The following KIR2DL1 variants were observed in gnomAD, a reference collection of about 807,000 sequenced individuals.
The protein encoded by KIR2DL1 is killer cell immunoglobulin like receptor, two Ig domains and long cytoplasmic tail 1.
Under a neutral mutation model 33.9 loss-of-function variants are expected in KIR2DL1, and 38 were observed. The ratio of observed to expected loss-of-function variants is 1.12; its 90% confidence interval spans 0.86 to 1.47. The LOEUF is 1.47. Ranked by LOEUF, KIR2DL1 falls within the 40% of genes most tolerant of loss-of-function variation. The probability of loss-of-function intolerance (pLI) is 0.00; values close to 1 mark genes in which losing one functional copy is unlikely to be tolerated. For synonymous variants in KIR2DL1, 179 were observed against 165.9 expected (o/e 1.08, Z -0.61); for missense variants, 531 against 433.9 (o/e 1.22, Z -1.99).
intron 1 of KIR2DL1, among the ~76,000 whole-genome samples, 189 bp from the exon 2 acceptor site, chr19:54,770,660 G>C (rs1172794385): frequency 6.8e-6 from 1 of 147,672 alleles, no homozygotes. Context: ...CTTGAGGTGG[G>C]GATATGGACC....
chr19:54,778,172 A>T (rs141015500), intron 4 of KIR2DL1, among the ~76,000 whole-genome samples: 1 of 147,860 alleles, frequency 6.8e-6, no homozygotes, highest in South Asian at 2.1e-4. Flanking sequence ...AGGCAAGAGA[A>T]TGATTGAACC....
chr19:54,782,168 T>G (rs1367395860), intron 5 of KIR2DL1, among the ~76,000 whole-genome samples: 1 of 151,970 alleles, frequency 6.6e-6, no homozygotes, highest in Non-Finnish European at 1.5e-5. Flanking sequence ...GCCTGGGTTT[T>G]GTACCCTGGA....
At chr19:54,782,889 T>C (rs1246708430) in intron 5 of KIR2DL1, 33 bp from the exon 6 acceptor site, 10 of 1,597,770 alleles carry the variant, frequency 6.3e-6, no homozygotes, top group East Asian at 2.2e-5. Flanking sequence ...ACTGCTAAGA[T>C]TAGCTTCTTA....
intron 3 of KIR2DL1, among the ~76,000 whole-genome samples, chr19:54,773,915 CA>C (rs1168683871): frequency 1.3e-5 from 2 of 148,538 alleles, no homozygotes; most frequent in East Asian, 3.9e-4. Flanking sequence ...GGTGTCCCTC[CA>C]TGCTGACTTT....
At chr19:54,771,875 C>A (rs1243698304) in intron 2 of KIR2DL1, among the ~76,000 whole-genome samples, 1 of 147,688 alleles carries the variant, frequency 6.8e-6, no homozygotes, top group Admixed American at 6.9e-5. Context: ...CAGCAACCCC[C>A]TGGAGATCAC....
chr19:54,770,417 C>T lies in KIR2DL1; in HGVS notation c.35-432C>T, dbSNP rs1471700637. 1.7e-3 allele frequency among the ~76,000 whole-genome samples: 193 copies of T among 115,970 alleles called. 3 individuals are homozygous for T. The highest frequency in any genetic ancestry group is 3.9e-3 in the African/African-American group (115 of 29,772). The allele number at this position is 115,970 out of a possible 152,430, so 76.1% of individuals were successfully genotyped here. On this transcript the variant is annotated intron_variant, in intron 1 of 7. Transcript: ENST00000336077. ...GAGATATGTGCCTAGGATGGAGATA[C>T]GGGCCTGGGTGTGGAGATATGGGAC...
At chr19:54,776,038 C>T (rs527532746) in intron 4 of KIR2DL1, among the ~76,000 whole-genome samples, 39 of 145,802 alleles carry the variant, frequency 2.7e-4, no homozygotes, top group Admixed American at 6.9e-4. Flanking sequence ...GCTACAGGCA[C>T]GCACCACCAC....
Position 54,776,139 on chromosome 19 carries a change from A to C in KIR2DL1, c.664+681A>C, listed in dbSNP as rs1276688224. On this transcript the variant is annotated intron_variant, in intron 4 of 7. Transcript: ENST00000336077. ...ACTCCTGACCACGTGATCCACCCGC[A>C]TCAGCCTCCCAAAGTGCTGGGATTA... Among the ~76,000 whole-genome samples the C allele has an allele frequency of 3.5e-5, 5 of 144,414 alleles. 1 individual carries two copies. The highest frequency in any genetic ancestry group is 6.5e-3 in the Middle Eastern group (2 of 310). 94.7% of individuals were successfully genotyped at this position (144,414 alleles called of 152,430 possible).
rs866902036 is a variant in KIR2DL1 at position 54,773,527 on chromosome 19, C to T, written c.265C>T (p.Arg89Cys). The change falls in exon 3 of 8, where the codon CGC becomes TGC. Residue 89 changes from arginine (R) to cysteine (C), a missense_variant. By Grantham distance (180) the Arg-to-Cys change is radical (BLOSUM62 -3). Coordinates refer to ENST00000336077, the MANE Select transcript of KIR2DL1 (RefSeq NM_014218.3). ...CTCCAAGGCCAACTTCTCCATCAGT[C>T]GCATGACGCAAGACCTGGCAGGGAC... ...GVSKANFSIS[R>C]MTQDLAGTYR... 11 of 1,583,830 alleles carry T rather than the reference C, an allele frequency of 6.9e-6. No homozygotes were observed. Among genetic ancestry groups the T allele is most frequent in the East Asian group, 2.2e-5 (1 of 44,648 alleles).
At chr19:54,771,556 G>A (rs1384814698) in intron 2 of KIR2DL1, among the ~76,000 whole-genome samples, 3 of 147,170 alleles carry the variant, frequency 2.0e-5, no homozygotes, top group Admixed American at 6.9e-5. Context: ...AGAGCACAGG[G>A]AGGGAGGGGC....
At position 54,770,364 on chromosome 19, in the gene KIR2DL1, C is replaced by T. The variant is rs2075542347; in HGVS notation, c.34+480C>T. Among the ~76,000 whole-genome samples the T allele has an allele frequency of 1.4e-5, 2 of 140,440 alleles. 1 individual carries two copies. Among genetic ancestry groups the T allele is most frequent in the Admixed American group, 1.4e-4 (2 of 13,834 alleles). The allele number at this position is 140,440 out of a possible 152,430, so 92.1% of individuals were successfully genotyped here. A position where few individuals can be genotyped will look rare whatever the true frequency, so the allele number is the denominator to read the frequency against. On this transcript the variant is annotated intron_variant, in intron 1 of 7. Transcript: ENST00000336077. ...ATGGGCCAGGAGTGGAGATATGGGC[C>T]TAGAGGTCGATATCTGGGCCTGGAG...
chr19:54,781,252 G>A (rs4020186), intron 5 of KIR2DL1, among the ~76,000 whole-genome samples: 60,550 of 116,866 alleles, frequency 0.52, 16,369 homozygotes, highest in Middle Eastern at 0.62. Context: ...TCCAATCATC[G>A]TTTTTCTATT....
intron 5 of KIR2DL1, among the ~76,000 whole-genome samples, 169 bp downstream of exon 5, chr19:54,778,831 C>T (rs1378909295): frequency 6.7e-6 from 1 of 148,368 alleles, no homozygotes; most frequent in African/African-American, 2.5e-5. Flanking sequence ...CAACACAGGG[C>T]TCAGTGAAAT....
chr19:54,772,499 C>G (rs2075854226), intron 2 of KIR2DL1, among the ~76,000 whole-genome samples: 2 of 145,874 alleles, frequency 1.4e-5, no homozygotes. Context: ...TCTACAGCAG[C>G]AACAGGAAAC....
chr19:54,773,279 A>G (rs1460791687), intron 2 of KIR2DL1, 54 bp from the exon 3 acceptor site: 8 of 1,515,496 alleles, frequency 5.3e-6, no homozygotes, highest in African/African-American at 1.4e-5. Context: ...TCCAGGTGCC[A>G]TGGATGGGAT....
Position 54,783,729 on chromosome 19 carries a change from G to A in KIR2DL1, c.963G>A (p.Arg321=), listed in dbSNP as rs767223425. The A allele has an allele frequency of 8.9e-5, 144 of 1,613,810 alleles. No individual in the cohort carries two copies. Among genetic ancestry groups the A allele is most frequent in the Non-Finnish European group, 1.1e-4 (129 of 1,179,956 alleles). Reference sequence around the variant, plus strand: ...GAAAAATCACTCGCCCTTCTCAGAGGCCCAAGACACCCCCAACAGATATCA... The same window carrying A: ...GAAAAATCACTCGCCCTTCTCAGAGACCCAAGACACCCCCAACAGATATCA... ...TQRKITRPSQ[R]PKTPPTDIIV... The change falls in exon 8 of 8, where the codon AGG becomes AGA. Residue 321 remains arginine, a synonymous_variant. Coordinates refer to ENST00000336077, the MANE Select transcript of KIR2DL1 (RefSeq NM_014218.3).
At chr19:54,773,156 T>G (rs113734457) in intron 2 of KIR2DL1, among the ~76,000 whole-genome samples, 177 bp from the exon 3 acceptor site, 2,995 of 116,998 alleles carry the variant, frequency 0.026, 5 homozygotes, top group South Asian at 0.047. Flanking sequence ...CAGAGAAGAG[T>G]GAGGGAGACA....
At chr19:54,781,871 T>G (rs1343429521) in intron 5 of KIR2DL1, among the ~76,000 whole-genome samples, 2 of 152,078 alleles carry the variant, frequency 1.3e-5, no homozygotes, top group Admixed American at 6.5e-5. Context: ...CTAAAGCACA[T>G]TCGCTGTGAA....
rs655142 is a variant in KIR2DL1 at position 54,770,899 on chromosome 19, C to A, written c.70+15C>A. 894,075 of 1,574,702 alleles carry A rather than the reference C, an allele frequency of 0.57. 263,369 individuals carry two copies. The highest frequency in any genetic ancestry group is 0.63 in the Middle Eastern group (3,721 of 5,864). ...GCCACATGAGGGTGAGTCCTTCTCC[C>A]AACCTTCGGGTGTCATCTCCCCACA... On this transcript the variant is annotated intron_variant, in intron 2 of 7. Coordinates refer to ENST00000336077, the MANE Select transcript of KIR2DL1 (RefSeq NM_014218.3).
Sources: allele counts gnomAD v4.1 joint callset (sites outside exome capture counted in the v4.1 genomes callset), GRCh38; gene constraint gnomAD v4.1.1; transcripts MANE v1.5; gene names NCBI Gene and HGNC (gene_info 2026-07-23, HGNC 2026-07-21).